Variants in NEMP2 observed in about 807,000 individuals in gnomAD.
The protein encoded by NEMP2 is UPF0571 transmembrane protein.
In NEMP2, 53 loss-of-function variants were observed where a neutral mutation model predicts 54.2. The ratio of observed to expected loss-of-function variants is 0.98; its 90% CI spans 0.78 to 1.23. The LOEUF (loss-of-function observed/expected upper bound fraction) is 1.23. Among genes scored for constraint, NEMP2 ranks in the 50% most tolerant of loss-of-function variants. The pLI, the probability that NEMP2 is intolerant of heterozygous loss-of-function variation, is 0.00. For missense variants in NEMP2, 455 were observed against 511.3 expected (o/e 0.89, Z 1.06); for synonymous variants, 197 against 190.3 (o/e 1.04, Z -0.29).
the NEMP2 span, among the ~76,000 whole-genome samples, chr2:190,575,546 G>T: frequency 6.6e-6 from 1 of 152,146 alleles, no homozygotes; most frequent in African/African-American, 2.4e-5. Flanking sequence ...TCAAATAGAT[G>T]AGATTAAATT....
the NEMP2 span, among the ~76,000 whole-genome samples, chr2:190,455,977 G>A: frequency 1.0e-5 from 1 of 98,542 alleles, no homozygotes; most frequent in Non-Finnish European, 1.8e-5. Flanking sequence ...GTCTCATTCT[G>A]TCACCCAGGC....
chr2:190,594,855 TTAAAG>T, the NEMP2 span, among the ~76,000 whole-genome samples: 368 of 152,352 alleles, frequency 2.4e-3, no homozygotes, highest in Non-Finnish European at 3.0e-3. This position sits in a 1 kb window ranked among gnomAD's most constrained non-coding sequence, Gnocchi z 5.6. Flanking sequence ...TTTCTGAATA[TTAAAG>T]TAAATAAGCT....
the NEMP2 span, among the ~76,000 whole-genome samples, chr2:190,640,047 C>T: frequency 6.6e-6 from 1 of 152,048 alleles, no homozygotes; most frequent in East Asian, 1.9e-4. Flanking sequence ...AGTAAATTTC[C>T]TTCCATGTTT....
the NEMP2 span, among the ~76,000 whole-genome samples, chr2:190,450,708 G>T: frequency 6.6e-6 from 1 of 151,988 alleles, no homozygotes; most frequent in Non-Finnish European, 1.5e-5. Context: ...GGCCAGGCTA[G>T]TCTTAAACTC....
downstream of NEMP2, chr2:190,499,727 T>C: frequency 1.6e-6 from 2 of 1,216,400 alleles, no homozygotes; most frequent in South Asian, 1.4e-5. The surrounding 1 kb of genome is among the most constrained non-coding windows in gnomAD (Gnocchi z 6.0). Context: ...TATTTGCTGA[T>C]GTAAACTGTT....
chr2:190,636,222 G>A, the NEMP2 span, among the ~76,000 whole-genome samples: 1 of 152,194 alleles, frequency 6.6e-6, no homozygotes, highest in African/African-American at 2.4e-5. Context: ...ATGAATGGAT[G>A]AGCTCTGCTC....
chr2:190,517,119 G>A (rs1314093395), intron 5 of NEMP2, among the ~76,000 whole-genome samples: 3 of 150,548 alleles, frequency 2.0e-5, no homozygotes, highest in Non-Finnish European at 4.4e-5. Flanking sequence ...AAAGAAGGTG[G>A]GTTGGGGAAC....
chr2:190,432,315 A>C, the NEMP2 span, among the ~76,000 whole-genome samples: 40 of 152,272 alleles, frequency 2.6e-4, no homozygotes, highest in Admixed American at 1.0e-3. Context: ...GCCAAGGCTC[A>C]GAATCCAGGA....
At chr2:190,574,689 C>T in the NEMP2 span, among the ~76,000 whole-genome samples, 6 of 151,996 alleles carry the variant, frequency 3.9e-5, no homozygotes, top group South Asian at 1.2e-3. Flanking sequence ...TTTCTTTCTT[C>T]CTTTTCTTTC....
At position 190,528,370 on chromosome 2, in the gene NEMP2, C is replaced by T. The variant is rs1241799069; in HGVS notation, c.98-2992G>A. Among the ~76,000 whole-genome samples, 1 of 152,208 alleles carries T rather than the reference C, an allele frequency of 6.6e-6. No homozygotes were observed. Among genetic ancestry groups the T allele is most frequent in the Non-Finnish European group, 1.5e-5 (1 of 68,034 alleles). On this transcript the variant is annotated intron_variant, in intron 1 of 8. Transcript: ENST00000409150. This position sits in a 1 kb window ranked among gnomAD's most constrained non-coding sequence, Gnocchi z 4.3. ...ATCTCTGGATTCACCTTGTCATGTT[C>T]TGCCTTTGCACAGCCTCCTCGGGGG...
the NEMP2 span, among the ~76,000 whole-genome samples, chr2:190,455,422 G>T: frequency 6.6e-5 from 10 of 152,222 alleles, no homozygotes; most frequent in African/African-American, 1.2e-4. Context: ...TCCCTGAAAG[G>T]TTTCTGATCC....
In NEMP2 at chr2:190,510,978, T is replaced by G. The variant is rs997724287; in HGVS notation, c.954-441A>C. 1.2e-4 allele frequency among the ~76,000 whole-genome samples: 18 copies of G among 152,246 alleles called. No homozygotes were observed. The highest frequency in any genetic ancestry group is 4.3e-4 in the African/African-American group (18 of 41,460). ...CTATATCATATCTATACTTTTTTAT[T>G]GCTGTTATCATGACTGAGGTATAGA... On this transcript the variant is annotated intron_variant, in intron 7 of 8. Transcript: ENST00000409150. The surrounding 1 kb of genome is among the most constrained non-coding windows in gnomAD (Gnocchi z 5.7).
chr2:190,479,397 G>T, the NEMP2 span, among the ~76,000 whole-genome samples: 1 of 151,892 alleles, frequency 6.6e-6, no homozygotes, highest in Non-Finnish European at 1.5e-5. Context: ...AAAAGAGACA[G>T]GGAGTCTACG....
chr2:190,648,115 A>G, the NEMP2 span: 1 of 152,242 alleles, frequency 6.6e-6, no homozygotes, highest in Non-Finnish European at 1.5e-5. Flanking sequence ...ACACACCAGC[A>G]CTATACTAGC....
the NEMP2 span, among the ~76,000 whole-genome samples, chr2:190,623,472 C>T: frequency 6.6e-6 from 1 of 152,168 alleles, no homozygotes; most frequent in Non-Finnish European, 1.5e-5. Context: ...AACAGACACA[C>T]TGACCAATGG....
the NEMP2 span, among the ~76,000 whole-genome samples, chr2:190,476,549 G>A: frequency 1.3e-5 from 2 of 152,054 alleles, no homozygotes; most frequent in East Asian, 1.9e-4. Context: ...AAAAGTCAGG[G>A]AACAACAGGT....
the NEMP2 span, among the ~76,000 whole-genome samples, chr2:190,481,971 T>G: frequency 6.6e-6 from 1 of 152,220 alleles, no homozygotes; most frequent in African/African-American, 2.4e-5. Context: ...TTCGTGGACA[T>G]GCAGCTAGAT....
At chr2:190,562,734 A>G in the NEMP2 span, among the ~76,000 whole-genome samples, 1 of 152,018 alleles carries the variant, frequency 6.6e-6, no homozygotes, top group Non-Finnish European at 1.5e-5. This position sits in a 1 kb window ranked among gnomAD's most constrained non-coding sequence, Gnocchi z 5.0. Context: ...TTTAAATATC[A>G]TGTATAGCTA....
chr2:190,496,931 G>A, the NEMP2 span, among the ~76,000 whole-genome samples: 3 of 152,118 alleles, frequency 2.0e-5, no homozygotes, highest in Non-Finnish European at 4.4e-5. The surrounding 1 kb of genome is among the most constrained non-coding windows in gnomAD (Gnocchi z 4.7). Context: ...AAAGGGGTGA[G>A]GGATACAAGA....
Sources: gnomAD v4.1 joint callset for allele counts (sites outside exome capture counted in the v4.1 genomes callset) on GRCh38, gnomAD v4.1.1 for gene constraint, Gnocchi (gnomAD v3.1) non-coding constraint, MANE v1.5 for transcripts, NCBI Gene and HGNC (gene_info 2026-07-23, HGNC 2026-07-21) for gene names.